CWF19L1: variants seen among roughly 807,000 people sequenced by gnomAD.
The protein encoded by CWF19L1 is CWF19-like protein 1.
A neutral mutation model predicts 69.7 loss-of-function variants in CWF19L1; 60 were observed. The observed-to-expected ratio is 0.86, with a 90% CI of 0.70 to 1.07. The LOEUF is 1.07. Among genes scored for constraint, CWF19L1 ranks in the 50% least tolerant of loss-of-function variants. CWF19L1 has a pLI of 0.00. For synonymous variants in CWF19L1, 209 were observed against 222.2 expected, an observed-to-expected ratio of 0.94 and a Z score of 0.53; for missense variants, 591 against 638.9, an observed-to-expected ratio of 0.92 and a Z score of 0.81.
At chr10:100,237,734 C>A (rs2134276486) in intron 11 of CWF19L1, among the ~76,000 whole-genome samples, 1 of 152,074 alleles carries the variant, frequency 6.6e-6, no homozygotes, top group African/African-American at 2.4e-5. Context: ...GCAACCTCTG[C>A]CTCCCAGGTT....
intron 10 of CWF19L1, among the ~76,000 whole-genome samples, chr10:100,241,622 G>T (rs1162759809): frequency 6.6e-6 from 1 of 152,226 alleles, no homozygotes; most frequent in Non-Finnish European, 1.5e-5. Context: ...TATTTGAATA[G>T]AAATCTATTT....
chr10:100,233,685 T>C (rs1200012199), intron 13 of CWF19L1, among the ~76,000 whole-genome samples: 1 of 152,202 alleles, frequency 6.6e-6, no homozygotes, highest in African/African-American at 2.4e-5. Flanking sequence ...CTGGATCCCA[T>C]TTCCAGCTTT....
chr10:100,260,179 A>C (rs752015186), intron 4 of CWF19L1, 39 bp downstream of exon 4: 1 of 1,432,512 alleles, frequency 7.0e-7, no homozygotes, highest in South Asian at 1.2e-5. Flanking sequence ...AAAACAAAAA[A>C]CAAAAAACAA....
chr10:100,267,296 G>A (rs1318168545), intron 1 of CWF19L1: 3 of 294,854 alleles, frequency 1.0e-5, no homozygotes, highest in Non-Finnish European at 1.5e-5. Context: ...TGTGTCAGAG[G>A]CCAGGACTGC....
intron 10 of CWF19L1, among the ~76,000 whole-genome samples, chr10:100,239,736 T>A (rs1846577972): frequency 6.6e-6 from 1 of 152,150 alleles, no homozygotes; most frequent in Admixed American, 6.6e-5. Context: ...AATAAGAAAG[T>A]CCAACAGAAT....
chr10:100,237,986 A>C, intron 11 of CWF19L1, 36 bp downstream of exon 11: 1 of 1,583,058 alleles, frequency 6.3e-7, no homozygotes, highest in Non-Finnish European at 8.7e-7. Flanking sequence ...AAGTCCCCAT[A>C]GCGCCCTTCC....
intron 4 of CWF19L1, chr10:100,258,551 T>C (rs1412428183): frequency 6.6e-6 from 1 of 152,224 alleles, no homozygotes; most frequent in Non-Finnish European, 1.5e-5. Context: ...GTATCTGATA[T>C]GTGTAGTTAA....
Position 100,245,876 on chromosome 10 carries a change from T to G in CWF19L1, c.887A>C (p.Glu296Ala). 2 of 1,614,214 alleles carry G rather than the reference T, an allele frequency of 1.2e-6. No homozygotes were observed. The highest frequency in any genetic ancestry group is 1.7e-6 in the Non-Finnish European group (2 of 1,180,022). ...SACQFFFDLNEKQGRKRSSTG... is the reference protein window; with the variant it reads ...SACQFFFDLNAKQGRKRSSTG... Reference sequence around the variant, plus strand: ...GGATGAACGCTTCCTTCCCTGCTTTTCATTTAAATCAAAGAAAAACTGACA... The same window carrying G: ...GGATGAACGCTTCCTTCCCTGCTTTGCATTTAAATCAAAGAAAAACTGACA... Residue 296 changes from glutamate (E) to alanine (A), a missense_variant, in exon 9 of 14, where the codon GAA becomes GCA. Transcript: ENST00000354105.
At chr10:100,236,765 G>C in intron 12 of CWF19L1, 85 bp downstream of exon 12, 2 of 1,491,166 alleles carry the variant, frequency 1.3e-6, no homozygotes, top group South Asian at 1.3e-5. Flanking sequence ...GCAAGACTCT[G>C]TCTCAAACAA....
chr10:100,237,164 G>A (rs1249095882), intron 11 of CWF19L1, 195 bp from the exon 12 acceptor site: 2 of 757,568 alleles, frequency 2.6e-6, no homozygotes, highest in African/African-American at 1.7e-5. Context: ...ACACATGTGG[G>A]AGCCATTCTC....
chr10:100,265,730 A>G (rs1847558626), intron 1 of CWF19L1, among the ~76,000 whole-genome samples: 1 of 152,074 alleles, frequency 6.6e-6, no homozygotes, highest in African/African-American at 2.4e-5. Flanking sequence ...CATGTTGGCC[A>G]GGCTGGTCTT....
chr10:100,236,489 G>C (rs1044542384), intron 12 of CWF19L1, among the ~76,000 whole-genome samples: 5 of 152,168 alleles, frequency 3.3e-5, no homozygotes, highest in Non-Finnish European at 7.3e-5. Flanking sequence ...TCAAAAACCA[G>C]ATCTTGCCAG....
At chr10:100,250,482 T>A in intron 6 of CWF19L1, 150 bp from the exon 7 acceptor site, 1 of 622,182 alleles carries the variant, frequency 1.6e-6, no homozygotes, top group Non-Finnish European at 2.9e-6. Flanking sequence ...TTACTATCTA[T>A]CCGTCTAATA....
intron 9 of CWF19L1, 115 bp from the exon 10 acceptor site, chr10:100,243,892 C>A (rs986196577): frequency 4.3e-5 from 34 of 791,314 alleles, no homozygotes; most frequent in Admixed American, 1.8e-4. Context: ...GTATACAACA[C>A]TGCCACAATG....
Position 100,267,634 on chromosome 10 carries a change from G to C in CWF19L1, c.-41C>G. ...GGGTTGCGACTGCCACCTAAAATTG[G>C]GAATGCGAATCCGCGCTCCCCGGAA... On this transcript the variant is annotated 5_prime_UTR_variant, in exon 1 of 14. Coordinates refer to ENST00000354105, the MANE Select transcript of CWF19L1 (RefSeq NM_018294.6). The C allele has an allele frequency of 1.2e-6, 2 of 1,613,760 alleles. No homozygotes were observed. The highest frequency in any genetic ancestry group is 1.7e-6 in the Non-Finnish European group (2 of 1,179,658).
At chr10:100,249,080 AC>A in intron 7 of CWF19L1, 2 of 517,150 alleles carry the variant, frequency 3.9e-6, no homozygotes, top group Admixed American at 3.0e-5. Context: ...CTGAGGGGCC[AC>A]CCTGCCTGCA....
intron 4 of CWF19L1, among the ~76,000 whole-genome samples, chr10:100,256,702 C>G (rs1172649604): frequency 6.6e-6 from 1 of 152,132 alleles, no homozygotes; most frequent in African/African-American, 2.4e-5. Flanking sequence ...GCTGCTGGAG[C>G]CCACGGGCCA....
chr10:100,255,790 C>A (rs1390230418), intron 5 of CWF19L1, among the ~76,000 whole-genome samples: 1 of 148,650 alleles, frequency 6.7e-6, no homozygotes, highest in Non-Finnish European at 1.5e-5. Context: ...ATTAGCCAGG[C>A]GTGGTGGCGC....
In CWF19L1 at chr10:100,253,453, C is replaced by T; in HGVS notation, c.591G>A (p.Leu197=). 2 of 1,613,446 alleles carry T rather than the reference C, an allele frequency of 1.2e-6. No homozygotes were observed. Among genetic ancestry groups the T allele is most frequent in the Non-Finnish European group, 1.7e-6 (2 of 1,179,468 alleles). ...GAAGCCTCTCATAATAGGTCTTTTC[C>T]AAAGCAGCAAAATGGTATCTTGGTT... ...GLKPRYHFAA[L]EKTYYERLPY... is the part of the protein sequence containing the mutation. Residue 197 remains leucine (L), a synonymous_variant, in exon 6 of 14, where the codon TTG becomes TTA. Coordinates refer to ENST00000354105, the MANE Select transcript of CWF19L1 (RefSeq NM_018294.6).
Sources: gnomAD v4.1 joint callset for allele counts (sites outside exome capture counted in the v4.1 genomes callset) on GRCh38, gnomAD v4.1.1 for gene constraint, MANE v1.5 for transcripts, NCBI Gene and HGNC (gene_info 2026-07-23, HGNC 2026-07-21) for gene names.